The following ITGB2 variants were observed in gnomAD, a reference collection of about 807,000 sequenced individuals.
ITGB2 encodes integrin beta-2.
A neutral mutation model predicts 86.8 loss-of-function variants in ITGB2; 56 were observed. The observed-to-expected ratio is 0.65, with a 90% CI of 0.52 to 0.81. The LOEUF is 0.81. Among genes scored for constraint, ITGB2 ranks in the 30% least tolerant of loss-of-function variants. The probability of loss-of-function intolerance (pLI) is 0.00; values close to 1 mark genes in which losing one functional copy is unlikely to be tolerated. For missense variants in ITGB2, 948 were observed against 1,061.2 expected (o/e 0.89, Z 1.48); for synonymous variants, 457 against 450.4 (o/e 1.01, Z -0.19).
At chr21:44,910,677 G>T in intron 2 of ITGB2, 48 bp downstream of exon 2, 2 of 1,595,162 alleles carry the variant, frequency 1.3e-6, no homozygotes, top group South Asian at 1.1e-5. Flanking sequence ...TGTTCTCCCT[G>T]ATTGGAATGT....
At position 44,886,228 on chromosome 21, in the gene ITGB2, T is replaced by C. The variant is rs2083696134; in HGVS notation, c.*140A>G. 8 of 844,822 alleles carry C rather than the reference T, an allele frequency of 9.5e-6. No individual in the cohort carries two copies. Among genetic ancestry groups the C allele is most frequent in the South Asian group, 2.8e-5 (2 of 72,340 alleles). The allele number at this position is 844,822 out of a possible 1,614,324, so 52.3% of individuals were successfully genotyped here. A position where few individuals can be genotyped will look rare whatever the true frequency, so the allele number is the denominator to read the frequency against. On this transcript the variant is annotated 3_prime_UTR_variant, in exon 16 of 16. Coordinates refer to ENST00000652462, the MANE Select transcript of ITGB2 (RefSeq NM_000211.5). ...GCCCCCAGAAGCACCCGGCCGGCCA[T>C]GGCTGTCATTTTGAGGGCGGAAAAT...
chr21:44,927,183 G>A (rs139974121), intron 1 of ITGB2, among the ~76,000 whole-genome samples: 168 of 152,286 alleles, frequency 1.1e-3, no homozygotes, highest in African/African-American at 3.8e-3. Context: ...AAGTTTCCAC[G>A]GAGGAGACCC....
In ITGB2 at chr21:44,893,503, G is replaced by A. The variant is rs754762370; in HGVS notation, c.1125C>T (p.Pro375=). The change falls in exon 10 of 16, where the codon CCC becomes CCT. Residue 375 remains proline (P), a synonymous_variant. Transcript: ENST00000652462. ...SRVFLDHNAL[P]DTLKVTYDSF... ...AGTCGTAGGTGACTTTCAGGGTGTC[G>A]GGGAGGGCGTTGTGATCCAGGAAGA... 60 of 1,614,070 alleles carry A rather than the reference G, an allele frequency of 3.7e-5. No individual in the cohort carries two copies. Among genetic ancestry groups the A allele is most frequent in the Middle Eastern group, 1.6e-4 (1 of 6,062 alleles).
At position 44,890,051 on chromosome 21, in the gene ITGB2, C is replaced by T. The variant is rs1286982720; in HGVS notation, c.1584G>A (p.Leu528=). ...LCHTSDVPGK[L]IYGQYCECDT... is the part of the protein sequence containing the mutation. ...CACACTCGCAGTACTGCCCGTATATCAGCTTGCCGGGGACGTCGCTGGTGT... is the reference window on the plus strand; with the variant it reads ...CACACTCGCAGTACTGCCCGTATATTAGCTTGCCGGGGACGTCGCTGGTGT... Residue 528 remains leucine (L), a synonymous_variant, in exon 12 of 16, where the codon CTG becomes CTA. Transcript: ENST00000652462. 2.5e-6 allele frequency: 4 copies of T among 1,613,564 alleles called. No individual in the cohort carries two copies. The highest frequency in any genetic ancestry group is 2.7e-5 in the African/African-American group (2 of 75,048).
At chr21:44,923,521 TTGA>T (rs1346033142), upstream of ITGB2, among the ~76,000 whole-genome samples, 7 of 152,124 alleles carry the variant, frequency 4.6e-5, no homozygotes, top group African/African-American at 1.7e-4. Context: ...CACCTGTGAG[TTGA>T]TTATTTTTGA....
rs372185176 is a variant in ITGB2 at position 44,886,717 on chromosome 21, C to T, written c.2247+19G>A. 6.6e-5 allele frequency: 107 copies of T among 1,613,864 alleles called. No homozygotes were observed. Among genetic ancestry groups the T allele is most frequent in the Non-Finnish European group, 8.7e-5 (103 of 1,180,012 alleles). ...CGCACGTGCCCCTCTGCGTGGGACC[C>T]CCAAGGACGGCCACTTACATTGTTC... On this transcript the variant is annotated intron_variant, in intron 15 of 15. Coordinates refer to ENST00000652462, the MANE Select transcript of ITGB2 (RefSeq NM_000211.5).
In ITGB2 at chr21:44,890,088, T is replaced by C. The variant is rs1180064012; in HGVS notation, c.1547A>G (p.Gln516Arg). The C allele has an allele frequency of 1.2e-6, 2 of 1,613,508 alleles. No individual in the cohort carries two copies. The highest frequency in any genetic ancestry group is 4.5e-5 in the East Asian group (2 of 44,868). ...GACGTCGCTGGTGTGGCACAGGCAC[T>C]GCCCGCAGACACAGTCCCCCAGCCC... is the stretch of plus-strand genomic sequence containing the variant. ...CSGLGDCVCG[Q>R]CLCHTSDVPG... The change falls in exon 12 of 16, where the codon CAG (glutamine) becomes CGG (arginine). Residue 516 changes from glutamine to arginine, a missense_variant. Transcript: ENST00000652462.
chr21:44,907,139 G>C, intron 3 of ITGB2, 44 bp from the exon 4 acceptor site: 1 of 1,458,496 alleles, frequency 6.9e-7, no homozygotes, highest in Non-Finnish European at 9.4e-7. Context: ...CACACTGCGG[G>C]ACCTGCAGGA....
At chr21:44,887,760 C>T (rs2083720212) in intron 14 of ITGB2, among the ~76,000 whole-genome samples, 1 of 152,222 alleles carries the variant, frequency 6.6e-6, no homozygotes, top group South Asian at 2.1e-4. Flanking sequence ...CTCAAAGTGG[C>T]CCGCAGGGGT....
chr21:44,915,635 C>T (rs1451691618), intron 1 of ITGB2, among the ~76,000 whole-genome samples: 1 of 152,154 alleles, frequency 6.6e-6, no homozygotes, highest in African/African-American at 2.4e-5. Flanking sequence ...GCCAGAGCAT[C>T]AAGATGGACT....
intron 3 of ITGB2, 116 bp downstream of exon 3, chr21:44,910,168 A>AC (rs558889473): frequency 3.7e-5 from 51 of 1,373,384 alleles, no homozygotes; most frequent in Non-Finnish European, 4.8e-5. Flanking sequence ...GGGTCTGGGG[A>AC]CCCCCTCAAA....
At chr21:44,897,216 T>C (rs1661233270) in intron 8 of ITGB2, among the ~76,000 whole-genome samples, 1 of 152,228 alleles carries the variant, frequency 6.6e-6, no homozygotes, top group East Asian at 1.9e-4. Context: ...CACCACGAGG[T>C]TGAGCTTGTA....
chr21:44,920,298 C>CACACTACACACACG (rs1451066156), intron 1 of ITGB2, among the ~76,000 whole-genome samples: 1 of 152,018 alleles, frequency 6.6e-6, no homozygotes, highest in Non-Finnish European at 1.5e-5. Context: ...CACACCATGC[C>CACACTACACACACG]ACACTACACA....
Position 44,910,681 on chromosome 21 carries a change from G to A in ITGB2, c.58+44C>T, listed in dbSNP as rs775188525. ...AGGGCAGGCCCTGTTCTCCCTGATT[G>A]GAATGTCACGCGTGGAGTCCCCTCC... On this transcript the variant is annotated intron_variant, in intron 2 of 15. Coordinates refer to ENST00000652462, the MANE Select transcript of ITGB2 (RefSeq NM_000211.5). 6 of 1,597,878 alleles carry A rather than the reference G, an allele frequency of 3.8e-6. No homozygotes were observed. The African/African-American group carries it at 8.0e-5, about 21-fold the overall frequency.
chr21:44,912,839 G>A (rs34034119), intron 1 of ITGB2, among the ~76,000 whole-genome samples: 13 of 139,400 alleles, frequency 9.3e-5, no homozygotes, highest in Admixed American at 3.5e-4. Context: ...GGGTCCAGCC[G>A]GCTTCAGGAC....
intron 15 of ITGB2, 88 bp downstream of exon 15, chr21:44,886,648 G>A (rs1190561537): frequency 1.1e-5 from 18 of 1,568,956 alleles, no homozygotes; most frequent in South Asian, 3.3e-5. Context: ...AGCCACACAC[G>A]GGTGTCCACG....
chr21:44,901,407 G>T (rs572993331), intron 6 of ITGB2, 85 bp downstream of exon 6: 43 of 1,528,702 alleles, frequency 2.8e-5, no homozygotes, highest in Non-Finnish European at 3.7e-5. Flanking sequence ...TGCCGGCCAG[G>T]GTACCCCCCT....
intron 8 of ITGB2, among the ~76,000 whole-genome samples, chr21:44,895,485 G>C (rs913197344): frequency 6.6e-6 from 1 of 151,388 alleles, no homozygotes; most frequent in Non-Finnish European, 1.5e-5. Context: ...AGCTGAGATC[G>C]CACCACTGCA....
At chr21:44,900,550 A>T (rs1423983643) in intron 6 of ITGB2, 75 bp from the exon 7 acceptor site, 1 of 1,578,508 alleles carries the variant, frequency 6.3e-7, no homozygotes, top group Non-Finnish European at 8.7e-7. Context: ...AGAGGAGACG[A>T]TGCAGAGCTG....
Sources: gnomAD v4.1 joint callset for allele counts (sites outside exome capture counted in the v4.1 genomes callset) on GRCh38, gnomAD v4.1.1 for gene constraint, MANE v1.5 for transcripts, NCBI Gene and HGNC (gene_info 2026-07-23, HGNC 2026-07-21) for gene names.